The following CNTN6 variants were observed in gnomAD, a reference collection of about 807,000 sequenced individuals.
The protein encoded by CNTN6 is contactin-6.
CNTN6 carries 137 observed loss-of-function variants against 122.8 expected under a neutral mutation model. The ratio of observed to expected loss-of-function variants is 1.12; its 90% CI spans 0.97 to 1.29. CNTN6 has a LOEUF of 1.29. Ranked by LOEUF, CNTN6 falls within the 50% of genes most tolerant of loss-of-function variation. The pLI is 0.00. For missense variants in CNTN6, 1,634 were observed against 1,223.4 expected (o/e 1.34, Z -5.01); for synonymous variants, 570 against 426.0 (o/e 1.34, Z -4.16).
chr3:1,394,791 C>G (rs897680617), intron 20 of CNTN6, among the ~76,000 whole-genome samples: 1 of 152,098 alleles, frequency 6.6e-6, no homozygotes, highest in African/African-American at 2.4e-5. Flanking sequence ...AAATTCACAT[C>G]AAATGCTAAA....
At chr3:1,320,217 G>A (rs1700659461) in intron 7 of CNTN6, among the ~76,000 whole-genome samples, 1 of 151,626 alleles carries the variant, frequency 6.6e-6, no homozygotes, top group African/African-American at 2.4e-5. Flanking sequence ...CAAAATTCAA[G>A]TTTTCACTGT....
chr3:1,211,512 A>G (rs909421840), intron 2 of CNTN6, among the ~76,000 whole-genome samples: 1 of 152,184 alleles, frequency 6.6e-6, no homozygotes, highest in Non-Finnish European at 1.5e-5. Flanking sequence ...TGTAAGAAAC[A>G]GAAACCATAC....
chr3:1,368,181 A>T (rs373408724), intron 12 of CNTN6, among the ~76,000 whole-genome samples: 2 of 152,338 alleles, frequency 1.3e-5, no homozygotes, highest in East Asian at 3.9e-4. Context: ...AATTGAAGAT[A>T]CAAAAATGGA....
Position 1,352,395 on chromosome 3 carries a change from G to A in CNTN6, c.1436G>A (p.Cys479Tyr). Reference sequence around the variant, plus strand: ...AGGTCAGATGCTGGATCATATACATGCATAGCCACAAATCAGTTTGGCACT... The same window carrying A: ...AGGTCAGATGCTGGATCATATACATACATAGCCACAAATCAGTTTGGCACT... Reference protein sequence around the residue: ...ITRSDAGSYTCIATNQFGTAK... With the variant: ...ITRSDAGSYTYIATNQFGTAK... The change falls in exon 12 of 23, where the codon TGC becomes TAC. Residue 479 changes from cysteine to tyrosine, a missense_variant. By Grantham distance (194) the Cys-to-Tyr change is radical. Transcript: ENST00000446702. The A allele has an allele frequency of 6.2e-7, 1 of 1,608,020 alleles. No homozygotes were observed. Among genetic ancestry groups the A allele is most frequent in the South Asian group, 1.1e-5 (1 of 90,774 alleles).
At chr3:1,196,453 AT>A (rs1358546273) in intron 2 of CNTN6, among the ~76,000 whole-genome samples, 1 of 152,092 alleles carries the variant, frequency 6.6e-6, no homozygotes, top group African/African-American at 2.4e-5. Flanking sequence ...AGAAGAAGAG[AT>A]TTTTTTGTTT....
chr3:1,245,221 T>TAACATATATATATAAC (rs1304018351), intron 4 of CNTN6, among the ~76,000 whole-genome samples: 3 of 18,768 alleles, frequency 1.6e-4, no homozygotes, highest in African/African-American at 1.1e-3. Context: ...TATATATATA[T>TAACATATATATATAAC]ATATATATAT....
intron 1 of CNTN6, among the ~76,000 whole-genome samples, chr3:1,147,271 G>C (rs1009329686): frequency 2.0e-5 from 3 of 151,834 alleles, no homozygotes; most frequent in Non-Finnish European, 4.4e-5. Context: ...ACCATAAAAA[G>C]GCCATAGAAA....
Position 1,401,470 on chromosome 3 carries a change from G to A in CNTN6, c.2742G>A (p.Leu914=), listed in dbSNP as rs1336898936. 2 of 1,611,948 alleles carry A rather than the reference G, an allele frequency of 1.2e-6. No homozygotes were observed. Among genetic ancestry groups the A allele is most frequent in the Non-Finnish European group, 1.7e-6 (2 of 1,178,698 alleles). The part of the protein sequence containing the change: ...SQPPANIAWK[L]TNSKLCLNWE... ...CACCAGCAAACATTGCCTGGAAGCT[G>A]ACAAACTCTAAATTATGCTTGAACT... is the stretch of plus-strand genomic sequence containing the variant. Residue 914 remains leucine (L), a synonymous_variant, in exon 21 of 23, where the codon CTG becomes CTA. Transcript: ENST00000446702.
chr3:1,320,940 CTTTA>C, intron 7 of CNTN6, among the ~76,000 whole-genome samples: 1 of 151,700 alleles, frequency 6.6e-6, no homozygotes. Context: ...AATAAAGTAA[CTTTA>C]TTTACAAGTT....
chr3:1,230,962 G>T (rs527768355), intron 4 of CNTN6, among the ~76,000 whole-genome samples: 2 of 152,274 alleles, frequency 1.3e-5, no homozygotes, highest in South Asian at 4.1e-4. Flanking sequence ...TGCAAGTGAT[G>T]TGCCAACCCC....
intron 1 of CNTN6, among the ~76,000 whole-genome samples, chr3:1,127,760 G>A (rs1160998798): frequency 1.3e-5 from 2 of 151,938 alleles, no homozygotes; most frequent in Admixed American, 6.6e-5. Flanking sequence ...TATAGCTGGA[G>A]GGTCTTTTCT....
intron 2 of CNTN6, among the ~76,000 whole-genome samples, chr3:1,169,217 A>G (rs2093316463): frequency 6.6e-6 from 1 of 152,232 alleles, no homozygotes; most frequent in South Asian, 2.1e-4. Context: ...TTGTTCTTCT[A>G]TTTAGCCTAA....
chr3:1,100,919 G>A (rs1309758613), intron 1 of CNTN6, among the ~76,000 whole-genome samples: 4 of 151,806 alleles, frequency 2.6e-5, no homozygotes, highest in Admixed American at 1.3e-4. Flanking sequence ...ATGTCTGCTG[G>A]ATTTCCCTCA....
intron 4 of CNTN6, among the ~76,000 whole-genome samples, chr3:1,245,272 TATACACACACATATATATATAAC>T (rs2094557236): frequency 2.4e-3 from 10 of 4,186 alleles, no homozygotes; most frequent in South Asian, 0.011. Context: ...TATATATATA[TATACACACACATATATATATAAC>T]ATATATATAT....
intron 8 of CNTN6, among the ~76,000 whole-genome samples, chr3:1,324,870 C>T (rs1326484499): frequency 6.7e-6 from 1 of 149,602 alleles, no homozygotes; most frequent in Non-Finnish European, 1.5e-5. Context: ...GGTTACCTAA[C>T]ATCGCTGCGA....
At chr3:1,276,719 A>G (rs1371496862) in intron 4 of CNTN6, among the ~76,000 whole-genome samples, 2 of 152,178 alleles carry the variant, frequency 1.3e-5, no homozygotes, top group African/African-American at 2.4e-5. Context: ...CTCTCTTCTT[A>G]TCTTTTACAG....
At chr3:1,349,597 G>T (rs1193101069) in intron 11 of CNTN6, among the ~76,000 whole-genome samples, 1 of 151,752 alleles carries the variant, frequency 6.6e-6, no homozygotes, top group Non-Finnish European at 1.5e-5. Context: ...TCTTACATGT[G>T]CATTTTGCCT....
At chr3:1,390,808 G>C (rs1030265718) in intron 20 of CNTN6, among the ~76,000 whole-genome samples, 47 of 151,434 alleles carry the variant, frequency 3.1e-4, no homozygotes, top group African/African-American at 1.1e-3. Flanking sequence ...AAATCTAGAA[G>C]AAATGGATAA....
intron 11 of CNTN6, among the ~76,000 whole-genome samples, chr3:1,336,975 A>C (rs1703165729): frequency 6.6e-6 from 1 of 152,156 alleles, no homozygotes; most frequent in African/African-American, 2.4e-5. Flanking sequence ...AGAAAGGACC[A>C]GGGAATTCCC....
Sources: allele counts gnomAD v4.1 joint callset (sites outside exome capture counted in the v4.1 genomes callset), GRCh38; gene constraint gnomAD v4.1.1; transcripts MANE v1.5; gene names NCBI Gene and HGNC (gene_info 2026-07-23, HGNC 2026-07-21).